Variants in INPP4B observed in about 807,000 individuals in gnomAD.
INPP4B encodes inositol polyphosphate-4-phosphatase type II B, also known as inositol polyphosphate 4-phosphatase type II.
A neutral mutation model predicts 122.5 loss-of-function variants in INPP4B; 55 were observed. The ratio of observed to expected loss-of-function variants is 0.45; its 90% CI spans 0.36 to 0.56. The LOEUF is 0.56. Among genes scored for constraint, INPP4B ranks in the 20% least tolerant of loss-of-function variants. The pLI is 0.00. For missense variants in INPP4B, 1,000 were observed against 1,097.7 expected, an observed-to-expected ratio of 0.91 and a Z score of 1.26; for synonymous variants, 403 against 388.7, an observed-to-expected ratio of 1.04 and a Z score of -0.43.
chr4:142,653,660 C>T (rs982925552), intron 2 of INPP4B, among the ~76,000 whole-genome samples: 20 of 152,232 alleles, frequency 1.3e-4, no homozygotes, highest in African/African-American at 4.6e-4. Context: ...CAAATCAAAA[C>T]CACAATGAGA....
At chr4:142,479,301 G>C (rs1428008815) in intron 2 of INPP4B, among the ~76,000 whole-genome samples, 1 of 151,956 alleles carries the variant, frequency 6.6e-6, no homozygotes, top group Non-Finnish European at 1.5e-5. Context: ...CTATTAAAAT[G>C]TCAAAAAAAT....
At chr4:142,198,784 T>C (rs576243917) in intron 14 of INPP4B, among the ~76,000 whole-genome samples, 1 of 152,244 alleles carries the variant, frequency 6.6e-6, no homozygotes, top group African/African-American at 2.4e-5. Context: ...TGTTAAGATG[T>C]CAGAATATAG....
intron 3 of INPP4B, among the ~76,000 whole-genome samples, chr4:142,457,399 A>G (rs1815683021): frequency 6.6e-6 from 1 of 152,172 alleles, no homozygotes; most frequent in Admixed American, 6.5e-5. Flanking sequence ...AGGAATTTCA[A>G]TATGGAATAT....
At chr4:142,239,211 T>C (rs1858046323) in intron 11 of INPP4B, among the ~76,000 whole-genome samples, 1 of 152,116 alleles carries the variant, frequency 6.6e-6, no homozygotes, top group Admixed American at 6.6e-5. Context: ...ACTAGGGACA[T>C]TATCATTATC....
At chr4:142,553,452 A>G (rs962689101) in intron 2 of INPP4B, among the ~76,000 whole-genome samples, 1 of 152,206 alleles carries the variant, frequency 6.6e-6, no homozygotes, top group Admixed American at 6.5e-5. Context: ...ATGCCCTTTC[A>G]TATCCCCTTG....
chr4:142,227,856 T>TAAAAAAAAAAAAAAAA (rs60375355), intron 12 of INPP4B, among the ~76,000 whole-genome samples: 15 of 34,186 alleles, frequency 4.4e-4, no homozygotes, highest in Non-Finnish European at 5.6e-4. Context: ...AGACTCTATC[T>TAAAAAAAAAAAAAAAA]AAAAAAAAAA....
chr4:142,028,119 C>T lies in INPP4B; in HGVS notation c.*663G>A, dbSNP rs1197728277. 4.4e-6 allele frequency: 1 copy of T among 229,022 alleles called. No individual in the cohort carries two copies. The highest frequency in any genetic ancestry group is 8.7e-6 in the Non-Finnish European group (1 of 115,528). The allele number at this position is 229,022 out of a possible 1,614,324, so 14.2% of individuals were successfully genotyped here. A position where few individuals can be genotyped will look rare whatever the true frequency, so the allele number is the denominator to read the frequency against. ...CACAGCTAGATCACACAACCCAAGT[C>T]AGAGTTCTGAAAAGATGCCATGGTT... On this transcript the variant is annotated 3_prime_UTR_variant, in exon 26 of 26. Coordinates refer to ENST00000262992, the MANE Select transcript of INPP4B (RefSeq NM_001101669.3).
chr4:142,749,285 A>G (rs984278536), intron 1 of INPP4B, among the ~76,000 whole-genome samples: 2 of 147,128 alleles, frequency 1.4e-5, no homozygotes, highest in African/African-American at 4.9e-5. Context: ...ATGTCTTACC[A>G]TATATATATA....
chr4:142,416,323 C>T lies in INPP4B; in HGVS notation c.137-10999G>A, dbSNP rs1433309410. Among the ~76,000 whole-genome samples, 3 of 152,082 alleles carry T rather than the reference C, an allele frequency of 2.0e-5. No individual in the cohort carries two copies. In the East Asian group the frequency reaches 5.8e-4, roughly 29 times the overall value. On this transcript the variant is annotated intron_variant, in intron 5 of 25. Transcript: ENST00000262992. ...TCAATCCAGATGACTTCCCATACAA[C>T]ACACTGACTCATGGTCTGGGTTTTA...
At chr4:142,819,208 G>T (rs1780510558) in intron 1 of INPP4B, among the ~76,000 whole-genome samples, 2 of 152,170 alleles carry the variant, frequency 1.3e-5, no homozygotes, top group Non-Finnish European at 2.9e-5. Context: ...AACAGCTTTA[G>T]CAGCTTGAGT....
In INPP4B at chr4:142,590,783, C is replaced by T. The variant is rs1467374036; in HGVS notation, c.-190-128057G>A. Among the ~76,000 whole-genome samples the T allele has an allele frequency of 4.7e-5, 7 of 148,570 alleles. No individual in the cohort carries two copies. The East Asian group carries it at 1.4e-3, about 30-fold the overall frequency. ...CATTTCCTTACTTTGTCCATGGACA[C>T]AGTCTAGTAGCAATGAAACAGGGTC... On this transcript the variant is annotated intron_variant, in intron 2 of 25. Coordinates refer to ENST00000262992, the MANE Select transcript of INPP4B (RefSeq NM_001101669.3).
At chr4:142,492,373 C>A (rs760880085) in intron 2 of INPP4B, among the ~76,000 whole-genome samples, 4 of 152,116 alleles carry the variant, frequency 2.6e-5, no homozygotes, top group East Asian at 1.9e-4. Context: ...AGGTTGAAAC[C>A]TTTTGCAGGG....
intron 2 of INPP4B, among the ~76,000 whole-genome samples, chr4:142,563,538 C>G (rs915600094): frequency 6.6e-6 from 1 of 152,290 alleles, no homozygotes; most frequent in African/African-American, 2.4e-5. Context: ...TATAGTTACA[C>G]TGTAAATTAC....
intron 15 of INPP4B, among the ~76,000 whole-genome samples, chr4:142,176,201 A>C (rs1828181117): frequency 6.7e-6 from 1 of 149,944 alleles, no homozygotes; most frequent in African/African-American, 2.4e-5. Context: ...GGTTTGTTAC[A>C]TATGTATATG....
intron 16 of INPP4B, among the ~76,000 whole-genome samples, chr4:142,163,545 T>C (rs1211174292): frequency 6.6e-6 from 1 of 151,902 alleles, no homozygotes; most frequent in African/African-American, 2.4e-5. Flanking sequence ...AGAAGATATT[T>C]TGAGAGAGAC....
intron 2 of INPP4B, among the ~76,000 whole-genome samples, chr4:142,480,961 C>T (rs1820439030): frequency 6.6e-6 from 1 of 151,186 alleles, no homozygotes; most frequent in Non-Finnish European, 1.5e-5. Context: ...ATGGTGAAAC[C>T]CCGTCTCTAC....
At chr4:142,038,002 C>T (rs937393772) in intron 25 of INPP4B, among the ~76,000 whole-genome samples, 24 of 152,078 alleles carry the variant, frequency 1.6e-4, no homozygotes, top group African/African-American at 5.8e-4. Flanking sequence ...CACAGTTTCC[C>T]TAATTCACAG....
At chr4:142,805,644 G>T (rs944228261) in intron 1 of INPP4B, among the ~76,000 whole-genome samples, 7 of 152,072 alleles carry the variant, frequency 4.6e-5, no homozygotes, top group African/African-American at 9.7e-5. Flanking sequence ...AGACCTTTAT[G>T]ATGACCCACT....
At chr4:142,709,791 T>C (rs1288405129) in intron 2 of INPP4B, among the ~76,000 whole-genome samples, 1 of 152,180 alleles carries the variant, frequency 6.6e-6, no homozygotes, top group Non-Finnish European at 1.5e-5. Context: ...CTGCTTTGTC[T>C]CAGAGGGGAA....
Sources: gnomAD v4.1 joint callset for allele counts (sites outside exome capture counted in the v4.1 genomes callset) on GRCh38, gnomAD v4.1.1 for gene constraint, MANE v1.5 for transcripts, NCBI Gene and HGNC (gene_info 2026-07-23, HGNC 2026-07-21) for gene names.